The following SIPA1L3 variants were observed in gnomAD, a reference collection of about 807,000 sequenced individuals.
The protein encoded by SIPA1L3 is signal induced proliferation associated 1 like 3.
SIPA1L3 carries 59 observed loss-of-function variants against 150.1 expected under a neutral mutation model. That is an observed-to-expected ratio of 0.39 (90% CI 0.32 to 0.49). The LOEUF is 0.49. SIPA1L3 is among the 20% of genes least tolerant of loss of function. The pLI is 0.86. For synonymous variants in SIPA1L3, 1,070 were observed against 1,077.6 expected, an observed-to-expected ratio of 0.99 and a Z score of 0.14; for missense variants, 2,211 against 2,489.5, an observed-to-expected ratio of 0.89 and a Z score of 2.38.
chr19:37,961,199 T>C (rs2046855812), intron 1 of SIPA1L3, among the ~76,000 whole-genome samples: 1 of 151,628 alleles, frequency 6.6e-6, no homozygotes, highest in Admixed American at 6.6e-5. Flanking sequence ...AAAATTTTTC[T>C]TTAGTGATGG....
intron 15 of SIPA1L3, among the ~76,000 whole-genome samples, chr19:38,170,595 G>A (rs1437882872): frequency 1.3e-5 from 2 of 152,196 alleles, no homozygotes; most frequent in African/African-American, 2.4e-5. Flanking sequence ...GCTGTGCACC[G>A]GGGCCTCTGC....
intron 10 of SIPA1L3, among the ~76,000 whole-genome samples, chr19:38,134,954 G>A (rs1367100428): frequency 6.6e-6 from 1 of 152,122 alleles, no homozygotes; most frequent in Non-Finnish European, 1.5e-5. Flanking sequence ...ATGGGGTGAC[G>A]ATGAGTGCCA....
At chr19:38,105,827 A>T (rs940350171) in intron 6 of SIPA1L3, among the ~76,000 whole-genome samples, 1 of 152,186 alleles carries the variant, frequency 6.6e-6, no homozygotes, top group African/African-American at 2.4e-5. Flanking sequence ...ACGCTTGAAG[A>T]TTCTTGTACC....
chr19:38,022,973 G>A (rs529169430), intron 1 of SIPA1L3, among the ~76,000 whole-genome samples: 3 of 152,112 alleles, frequency 2.0e-5, no homozygotes. Flanking sequence ...ACCCCCACCC[G>A]CAGTGACTGA....
intron 15 of SIPA1L3, among the ~76,000 whole-genome samples, chr19:38,168,522 G>A (rs1002855878): frequency 2.6e-5 from 4 of 151,962 alleles, no homozygotes; most frequent in Admixed American, 2.0e-4. Flanking sequence ...CCTGTGCCAC[G>A]AAGAGGGACA....
intron 1 of SIPA1L3, among the ~76,000 whole-genome samples, chr19:37,950,076 C>CAA (rs35506284): frequency 0.062 from 3,343 of 53,786 alleles, 318 homozygotes; most frequent in African/African-American, 0.16. Context: ...GACTGTGTCT[C>CAA]AAAAAAAAAA....
intron 15 of SIPA1L3, among the ~76,000 whole-genome samples, chr19:38,166,159 G>C (rs767561292): frequency 6.6e-6 from 1 of 152,058 alleles, no homozygotes; most frequent in African/African-American, 2.4e-5. Flanking sequence ...GAGTAAGAGA[G>C]AAAGAGTAGG....
chr19:38,143,925 C>T (rs1260977443), intron 12 of SIPA1L3, among the ~76,000 whole-genome samples: 1 of 152,192 alleles, frequency 6.6e-6, no homozygotes, highest in Non-Finnish European at 1.5e-5. Flanking sequence ...TTTGGCCCCT[C>T]CCTGTGGCCA....
chr19:38,120,203 A>C (rs188509483), intron 9 of SIPA1L3, among the ~76,000 whole-genome samples: 10 of 152,136 alleles, frequency 6.6e-5, no homozygotes, highest in Admixed American at 3.9e-4. Flanking sequence ...TCATACCTGT[A>C]ATCTATCTCA....
intron 1 of SIPA1L3, among the ~76,000 whole-genome samples, chr19:37,983,395 C>T (rs78635788): frequency 6.6e-6 from 1 of 152,116 alleles, no homozygotes; most frequent in African/African-American, 2.4e-5. Flanking sequence ...TAGGACCTGC[C>T]CCACGGAGCA....
intron 1 of SIPA1L3, among the ~76,000 whole-genome samples, chr19:37,943,763 ATGGCTTTACT>A (rs1404654571): frequency 6.6e-6 from 1 of 152,110 alleles, no homozygotes; most frequent in Non-Finnish European, 1.5e-5. Context: ...AGCCAGCCAA[ATGGCTTTACT>A]TGGTGTCCTC....
At chr19:37,932,000 G>T (rs779948667) in intron 1 of SIPA1L3, among the ~76,000 whole-genome samples, 3 of 152,222 alleles carry the variant, frequency 2.0e-5, no homozygotes, top group Non-Finnish European at 2.9e-5. Flanking sequence ...TGAGCATTCC[G>T]GTTGTGGTTG....
At chr19:38,030,352 A>G (rs1968617793) in intron 2 of SIPA1L3, among the ~76,000 whole-genome samples, 1 of 151,972 alleles carries the variant, frequency 6.6e-6, no homozygotes, top group African/African-American at 2.4e-5. Flanking sequence ...GATTGAGCCC[A>G]GGTGCTGGAG....
rs1338671652 is a variant in SIPA1L3 at position 38,207,828 on chromosome 19, A to T, written c.*1588A>T. On this transcript the variant is annotated 3_prime_UTR_variant, in exon 22 of 22. Coordinates refer to ENST00000222345, the MANE Select transcript of SIPA1L3 (RefSeq NM_015073.3). Reference sequence around the variant, plus strand: ...GAGGGTTCTTATCGCGTCTCCTGTGATCAGCCTCTGGCCCCCTGGAGGAGG... The same window carrying T: ...GAGGGTTCTTATCGCGTCTCCTGTGTTCAGCCTCTGGCCCCCTGGAGGAGG... 6.6e-6 allele frequency: 1 copy of T among 152,564 alleles called. No homozygotes were observed. Among genetic ancestry groups the T allele is most frequent in the Middle Eastern group, 3.2e-3 (1 of 316 alleles). The allele number at this position is 152,564 out of a possible 1,614,324, so 9.5% of individuals were successfully genotyped here. A position where few individuals can be genotyped will look rare whatever the true frequency, so the allele number is the denominator to read the frequency against.
intron 15 of SIPA1L3, among the ~76,000 whole-genome samples, chr19:38,171,607 G>T (rs1394207933): frequency 1.3e-5 from 2 of 151,680 alleles, no homozygotes; most frequent in African/African-American, 4.8e-5. Flanking sequence ...TGGCCAGGCT[G>T]GTCTCGAACT....
intron 1 of SIPA1L3, among the ~76,000 whole-genome samples, chr19:37,930,739 T>C (rs2046546244): frequency 6.6e-6 from 1 of 152,114 alleles, no homozygotes; most frequent in South Asian, 2.1e-4. Flanking sequence ...AGTTTCCGTA[T>C]CTGTAAGGTG....
chr19:38,151,291 A>G (rs529430104), intron 12 of SIPA1L3, among the ~76,000 whole-genome samples: 1 of 152,274 alleles, frequency 6.6e-6, no homozygotes, highest in Admixed American at 6.5e-5. Flanking sequence ...TAAATCAGCA[A>G]CGTTTATTTC....
At chr19:37,993,823 T>G (rs957705662) in intron 1 of SIPA1L3, among the ~76,000 whole-genome samples, 21 of 152,242 alleles carry the variant, frequency 1.4e-4, no homozygotes, top group Admixed American at 1.2e-3. Flanking sequence ...AGGTGCCGTA[T>G]GAATAAACAC....
rs1600091888 is a variant in SIPA1L3 at position 38,116,068 on chromosome 19, AT to A, written c.2292-3231del. Among the ~76,000 whole-genome samples the A allele has an allele frequency of 2.0e-5, 3 of 152,206 alleles. No individual in the cohort carries two copies. In the East Asian group the frequency reaches 5.8e-4, roughly 29 times the overall value. ...GGAGTGTTTTTAATCCATAATCTCTATTTTTTTAAATTATCCTACAGATGGA... is the reference window on the plus strand; with the variant it reads ...GGAGTGTTTTTAATCCATAATCTCTATTTTTTAAATTATCCTACAGATGGA... On this transcript the variant is annotated intron_variant, in intron 8 of 21. Transcript: ENST00000222345.
Sources: allele counts gnomAD v4.1 joint callset (sites outside exome capture counted in the v4.1 genomes callset), GRCh38; gene constraint gnomAD v4.1.1; transcripts MANE v1.5; gene names NCBI Gene and HGNC (gene_info 2026-07-23, HGNC 2026-07-21).